FAM107B: variants seen among roughly 807,000 people sequenced by gnomAD.
The protein encoded by FAM107B is family with sequence similarity 107 member B.
A neutral mutation model predicts 31.5 loss-of-function variants in FAM107B; 21 were observed. The ratio of observed to expected loss-of-function variants is 0.67; its 90% CI spans 0.47 to 0.96. The LOEUF (loss-of-function observed/expected upper bound fraction) is 0.96, where lower values mean the gene tolerates loss of function less well. Among genes scored for constraint, FAM107B ranks in the 40% least tolerant of loss-of-function variants. FAM107B has a pLI of 0.00. For synonymous variants in FAM107B, 157 were observed against 141.5 expected (o/e 1.11, Z -0.78); for missense variants, 452 against 377.1 (o/e 1.20, Z -1.64).
chr10:14,541,268 G>C (rs1436587937), intron 2 of FAM107B, among the ~76,000 whole-genome samples: 1 of 152,162 alleles, frequency 6.6e-6, no homozygotes, highest in Non-Finnish European at 1.5e-5. Context: ...CATTTAATCA[G>C]ATCAGGGCTA....
chr10:14,596,388 GC>G (rs1408630327), intron 2 of FAM107B, among the ~76,000 whole-genome samples: 2 of 152,092 alleles, frequency 1.3e-5, no homozygotes, highest in Non-Finnish European at 2.9e-5. Flanking sequence ...GTCTGTCCCA[GC>G]CACCATGCTA....
intron 1 of FAM107B, among the ~76,000 whole-genome samples, chr10:14,676,119 A>G (rs1271046389): frequency 6.6e-6 from 1 of 152,174 alleles, no homozygotes; most frequent in African/African-American, 2.4e-5. Flanking sequence ...AGATCATGCG[A>G]CTGCACTCCA....
intron 2 of FAM107B, among the ~76,000 whole-genome samples, chr10:14,539,672 C>A (rs181062067): frequency 6.6e-6 from 1 of 152,288 alleles, no homozygotes; most frequent in Non-Finnish European, 1.5e-5. Flanking sequence ...AACAAAGATT[C>A]ATTCAATTCC....
chr10:14,609,528 A>G (rs903809017), intron 2 of FAM107B, among the ~76,000 whole-genome samples: 1 of 152,172 alleles, frequency 6.6e-6, no homozygotes, highest in Non-Finnish European at 1.5e-5. Context: ...CCCATCTTCC[A>G]GTCAGCAGTG....
At chr10:14,703,664 A>G (rs1035418972) in intron 1 of FAM107B, among the ~76,000 whole-genome samples, 1 of 152,110 alleles carries the variant, frequency 6.6e-6, no homozygotes, top group African/African-American at 2.4e-5. Context: ...AAAACACACA[A>G]AATAAAAACA....
intron 2 of FAM107B, among the ~76,000 whole-genome samples, chr10:14,543,309 G>C (rs1848397580): frequency 6.6e-6 from 1 of 152,038 alleles, no homozygotes; most frequent in African/African-American, 2.4e-5. Context: ...TTTTTGAATT[G>C]CAAGAAGAAA....
At chr10:14,770,375 T>C (rs541018386) in intron 1 of FAM107B, among the ~76,000 whole-genome samples, 1 of 151,894 alleles carries the variant, frequency 6.6e-6, no homozygotes, top group South Asian at 2.1e-4. Flanking sequence ...ATACAAAAAT[T>C]AGCCAGGCGT....
intron 2 of FAM107B, chr10:14,548,459 A>G: frequency 1.0e-6 from 1 of 985,724 alleles, no homozygotes; most frequent in Non-Finnish European, 1.2e-6. Context: ...AGTAGCTGGA[A>G]GCGCAGGGCT....
intron 1 of FAM107B, among the ~76,000 whole-genome samples, chr10:14,691,532 T>C (rs752921658): frequency 1.3e-5 from 2 of 152,162 alleles, no homozygotes; most frequent in Non-Finnish European, 2.9e-5. Flanking sequence ...ATTGAATTTA[T>C]CTTTACGACA....
At chr10:14,523,079 G>T (rs1270959527) in intron 3 of FAM107B, among the ~76,000 whole-genome samples, 2 of 148,986 alleles carry the variant, frequency 1.3e-5, no homozygotes, top group Non-Finnish European at 2.9e-5. Context: ...TGAAATATTC[G>T]AGAGAAGTCA....
At chr10:14,765,185 C>T (rs1393153658) in intron 1 of FAM107B, among the ~76,000 whole-genome samples, 1 of 152,172 alleles carries the variant, frequency 6.6e-6, no homozygotes, top group Non-Finnish European at 1.5e-5. Context: ...CAATGGTAAC[C>T]TCACTTGAAA....
chr10:14,537,254 G>T (rs1012404691), intron 2 of FAM107B, among the ~76,000 whole-genome samples: 2 of 152,256 alleles, frequency 1.3e-5, no homozygotes, highest in Non-Finnish European at 2.9e-5. Flanking sequence ...TCTGAGAGAT[G>T]CAGGGAAAGG....
intron 2 of FAM107B, among the ~76,000 whole-genome samples, chr10:14,561,039 C>T (rs965280200): frequency 6.6e-6 from 1 of 152,208 alleles, no homozygotes; most frequent in East Asian, 1.9e-4. Flanking sequence ...CAAGCTACAA[C>T]GAAACCAGCC....
chr10:14,701,706 A>G (rs1267599313), intron 1 of FAM107B, among the ~76,000 whole-genome samples: 1 of 151,164 alleles, frequency 6.6e-6, no homozygotes, highest in East Asian at 2.0e-4. Flanking sequence ...GGCCCTAGGC[A>G]AAGAGTTGTT....
intron 2 of FAM107B, among the ~76,000 whole-genome samples, chr10:14,588,097 A>C (rs1327382029): frequency 6.6e-6 from 1 of 152,188 alleles, no homozygotes; most frequent in Non-Finnish European, 1.5e-5. Context: ...GAGAGTGCCT[A>C]ATGTCTGACA....
At chr10:14,577,319 G>T (rs1034141051) in intron 2 of FAM107B, among the ~76,000 whole-genome samples, 1 of 152,130 alleles carries the variant, frequency 6.6e-6, no homozygotes, top group Admixed American at 6.5e-5. Context: ...TTGGCCTCAT[G>T]GGGCCCAATG....
chr10:14,605,915 C>T lies in FAM107B; in HGVS notation c.469+61719G>A, dbSNP rs368391998. Reference sequence around the variant, plus strand: ...TATCTCCCTCCCCCTCTGCTGGCACCGCCACTGTTGCCTTTGGGCTCAGTC... The same window carrying T: ...TATCTCCCTCCCCCTCTGCTGGCACTGCCACTGTTGCCTTTGGGCTCAGTC... On this transcript the variant is annotated intron_variant, in intron 2 of 4. Transcript: ENST00000181796. Among the ~76,000 whole-genome samples the T allele has an allele frequency of 9.8e-5, 15 of 152,294 alleles. No individual in the cohort carries two copies. In the South Asian group the frequency reaches 1.7e-3, roughly 17 times the overall value.
At chr10:14,716,610 G>A (rs1303341896) in intron 1 of FAM107B, among the ~76,000 whole-genome samples, 7 of 152,198 alleles carry the variant, frequency 4.6e-5, no homozygotes, top group African/African-American at 1.7e-4. Flanking sequence ...TAACAGTAAG[G>A]AAATGGCCAC....
intron 1 of FAM107B, among the ~76,000 whole-genome samples, chr10:14,759,805 G>A (rs766988466): frequency 1.7e-4 from 25 of 151,098 alleles, no homozygotes; most frequent in South Asian, 4.2e-4. Flanking sequence ...TCCACCTCCC[G>A]GACACAAGTG....
Sources: gnomAD v4.1 joint callset for allele counts (sites outside exome capture counted in the v4.1 genomes callset) on GRCh38, gnomAD v4.1.1 for gene constraint, MANE v1.5 for transcripts, NCBI Gene and HGNC (gene_info 2026-07-23, HGNC 2026-07-21) for gene names.